MEGF11: variants seen among roughly 807,000 people sequenced by gnomAD.
The protein encoded by MEGF11 is multiple EGF like domains 11.
Under a neutral mutation model 146.6 loss-of-function variants are expected in MEGF11, and 126 were observed. The observed-to-expected ratio is 0.86, with a 90% CI of 0.74 to 1.00. The LOEUF (loss-of-function observed/expected upper bound fraction) is 1.00. MEGF11 is among the 50% of genes least tolerant of loss of function. MEGF11 has a pLI of 0.00. For missense variants in MEGF11, 1,509 were observed against 1,521.2 expected (o/e 0.99, Z 0.13); for synonymous variants, 532 against 583.4 (o/e 0.91, Z 1.27).
intron 5 of MEGF11, among the ~76,000 whole-genome samples, chr15:66,063,129 T>TCA (rs2084973351): frequency 6.6e-6 from 1 of 152,216 alleles, no homozygotes; most frequent in Non-Finnish European, 1.5e-5. Flanking sequence ...TCTCTTTTAT[T>TCA]CAAATGCTAA....
At chr15:66,014,623 C>G (rs1456980997) in intron 5 of MEGF11, among the ~76,000 whole-genome samples, 2 of 152,170 alleles carry the variant, frequency 1.3e-5, no homozygotes, top group Non-Finnish European at 2.9e-5. Flanking sequence ...CATCATTCAA[C>G]AAAGGTCCTG....
chr15:66,153,348 G>C (rs2089637854), intron 1 of MEGF11, among the ~76,000 whole-genome samples: 1 of 152,166 alleles, frequency 6.6e-6, no homozygotes, highest in Non-Finnish European at 1.5e-5. Flanking sequence ...GCCGAGGTGA[G>C]AGGATCACGA....
rs1460703205 is a variant in MEGF11 at position 65,906,153 on chromosome 15, T to G, written c.2999-12A>C. 1 of 1,603,286 alleles carries G rather than the reference T, an allele frequency of 6.2e-7. No individual in the cohort carries two copies. Among genetic ancestry groups the G allele is most frequent in the Admixed American group, 1.7e-5 (1 of 58,600 alleles). On this transcript the variant is annotated splice_polypyrimidine_tract_variant and intron_variant, in intron 23 of 25. Transcript: ENST00000395614. ...CATTCCACAAGCACCTGTGTAAAAA[T>G]AACATGTAAGGAAAGAAAATATGGG...
At chr15:66,034,570 C>T (rs2083654164) in intron 5 of MEGF11, among the ~76,000 whole-genome samples, 1 of 152,068 alleles carries the variant, frequency 6.6e-6, no homozygotes, top group Admixed American at 6.5e-5. Flanking sequence ...CAGGGACATG[C>T]CACCATGCCT....
chr15:66,123,795 G>A (rs1381383051), intron 3 of MEGF11, 104 bp downstream of exon 3: 21 of 865,698 alleles, frequency 2.4e-5, no homozygotes, highest in Admixed American at 1.5e-4. Context: ...GAGTGGAGGC[G>A]CGTGACAACA....
chr15:65,929,782 T>A lies in MEGF11; in HGVS notation c.1510A>T (p.Ile504Leu), dbSNP rs1257243128. 1.3e-6 allele frequency: 2 copies of A among 1,560,866 alleles called. No individual in the cohort carries two copies. The highest frequency in any genetic ancestry group is 2.4e-5 in the South Asian group (2 of 84,602). ...TCANGAACSPIDGSCSCTPGW... is the reference protein window; with the variant it reads ...TCANGAACSPLDGSCSCTPGW... ...GGAGTGCAGGAGCAGGAGCCGTCTA[T>A]GGGGCTGCAGGCTGCCCCATTGGCA... The change falls in exon 12 of 26, where the codon ATA (isoleucine) becomes TTA (leucine). Residue 504 changes from isoleucine to leucine, a missense_variant. Ile to Leu is a conservative substitution (Grantham distance 5). Transcript: ENST00000395614.
chr15:66,092,693 TC>T (rs1038436382), intron 5 of MEGF11, among the ~76,000 whole-genome samples: 5 of 152,040 alleles, frequency 3.3e-5, no homozygotes, highest in African/African-American at 1.2e-4. Flanking sequence ...TCCAGGGCCC[TC>T]CCCACGGCCC....
rs554511849 is a variant in MEGF11 at position 66,199,161 on chromosome 15, T to G, written c.-9+54444A>C. On this transcript the variant is annotated intron_variant, in intron 1 of 25. Transcript: ENST00000395614. ...AAAAAAACATATCTCCTGTCTGAAT[T>G]ATTTTCTCTAAATGGAGAAAAATAA... is the stretch of plus-strand genomic sequence containing the variant. Among the ~76,000 whole-genome samples, 93 of 152,314 alleles carry G rather than the reference T, an allele frequency of 6.1e-4. 5 individuals are homozygous for G. The South Asian group carries it at 0.019, about 31-fold the overall frequency.
intron 1 of MEGF11, among the ~76,000 whole-genome samples, chr15:66,223,312 A>G (rs547404038): frequency 2.6e-5 from 4 of 152,078 alleles, no homozygotes; most frequent in African/African-American, 7.2e-5. Flanking sequence ...ACAAAAGTAG[A>G]TAAGTGCTTG....
At position 65,982,628 on chromosome 15, in the gene MEGF11, C is replaced by A; in HGVS notation, c.395-140G>T. ...GGTGGCAGCAAGGGGTGCCTGGAAG[C>A]TTTGGTGCCTCATAACCTGCATCAG... is the stretch of plus-strand genomic sequence containing the variant. On this transcript the variant is annotated intron_variant, in intron 5 of 25. Transcript: ENST00000395614. This position sits in a 1 kb window ranked among gnomAD's most constrained non-coding sequence, Gnocchi z 5.6. 1.0e-6 allele frequency: 1 copy of A among 986,016 alleles called. No homozygotes were observed. Among genetic ancestry groups the A allele is most frequent in the East Asian group, 3.0e-5 (1 of 33,504 alleles). The allele number at this position is 986,016 out of a possible 1,614,324, so 61.1% of individuals were successfully genotyped here.
intron 1 of MEGF11, among the ~76,000 whole-genome samples, chr15:66,247,509 T>C (rs1056651890): frequency 3.9e-5 from 6 of 152,180 alleles, no homozygotes; most frequent in Non-Finnish European, 8.8e-5. Flanking sequence ...CAACCACTGT[T>C]AGTTACTCCT....
chr15:66,213,243 A>G (rs1207059957), intron 1 of MEGF11, among the ~76,000 whole-genome samples: 1 of 152,154 alleles, frequency 6.6e-6, no homozygotes, highest in African/African-American at 2.4e-5. Context: ...ATAGCTCATT[A>G]AAGCTGAAAA....
chr15:65,897,995 T>C lies in MEGF11; in HGVS notation c.3362A>G (p.Tyr1121Cys). The change falls in exon 26 of 26, where the codon TAT (tyrosine) becomes TGT (cysteine). Residue 1121 changes from tyrosine (Y) to cysteine (C), a missense_variant. Tyr to Cys is a radical substitution (Grantham distance 194). Transcript: ENST00000395614. ...LPRNSHIPGHYDLLPVRQSPA... is the reference protein window; with the variant it reads ...LPRNSHIPGHCDLLPVRQSPA... ...GCTCTGTCTTACTGGGAGGAGGTCA[T>C]AATGACCAGGAATATGGCTGTTCCT... 1 of 1,614,012 alleles carries C rather than the reference T, an allele frequency of 6.2e-7. No individual in the cohort carries two copies. The highest frequency in any genetic ancestry group is 8.5e-7 in the Non-Finnish European group (1 of 1,179,874).
intron 5 of MEGF11, among the ~76,000 whole-genome samples, chr15:66,005,536 G>A (rs919712396): frequency 1.3e-5 from 2 of 152,234 alleles, no homozygotes; most frequent in Non-Finnish European, 2.9e-5. Context: ...AGGCAGGAGT[G>A]TGGAGGCTTG....
chr15:66,154,348 C>G (rs911334523), intron 1 of MEGF11, among the ~76,000 whole-genome samples: 5 of 152,230 alleles, frequency 3.3e-5, no homozygotes, highest in African/African-American at 7.2e-5. Context: ...CAGCTCTCAG[C>G]CATCTCTTCT....
intron 22 of MEGF11, 64 bp from the exon 23 acceptor site, chr15:65,909,199 G>A (rs1424394211): frequency 8.4e-7 from 1 of 1,189,750 alleles, no homozygotes; most frequent in Non-Finnish European, 1.2e-6. Context: ...AGGGGAAGGG[G>A]GTAGGAAGTA....
intron 24 of MEGF11, 140 bp from the exon 25 acceptor site, chr15:65,899,074 T>A: frequency 1.2e-6 from 1 of 800,494 alleles, no homozygotes; most frequent in Non-Finnish European, 1.9e-6. Flanking sequence ...TTTATTTACT[T>A]ATTAAATGTG....
At chr15:66,045,443 C>T (rs1430897378) in intron 5 of MEGF11, among the ~76,000 whole-genome samples, 6 of 152,226 alleles carry the variant, frequency 3.9e-5, no homozygotes, top group African/African-American at 1.2e-4. Context: ...CTGCCCATCC[C>T]AAGCCCTGAA....
At chr15:66,106,364 A>G (rs534055718) in intron 4 of MEGF11, among the ~76,000 whole-genome samples, 2 of 152,180 alleles carry the variant, frequency 1.3e-5, no homozygotes, top group South Asian at 4.1e-4. Flanking sequence ...GGGTGCACAC[A>G]TGTGTAGGGG....
Sources: gnomAD v4.1 joint callset for allele counts (sites outside exome capture counted in the v4.1 genomes callset) on GRCh38, gnomAD v4.1.1 for gene constraint, Gnocchi (gnomAD v3.1) non-coding constraint, MANE v1.5 for transcripts, NCBI Gene and HGNC (gene_info 2026-07-23, HGNC 2026-07-21) for gene names.